OSBPL10: variants seen among roughly 807,000 people sequenced by gnomAD.
OSBPL10 encodes the protein oxysterol binding protein like 10, also known as oxysterol-binding protein-related protein 10.
A neutral mutation model predicts 81.7 loss-of-function variants in OSBPL10; 49 were observed. That is an observed-to-expected ratio of 0.60 (90% CI 0.48 to 0.76). The LOEUF is 0.76. Among genes scored for constraint, OSBPL10 ranks in the 30% least tolerant of loss-of-function variants. The pLI is 0.00. For missense variants in OSBPL10, 923 were observed against 987.8 expected (o/e 0.93, Z 0.88); for synonymous variants, 419 against 383.6 (o/e 1.09, Z -1.08).
At chr3:31,954,573 C>A (rs557884010) in intron 1 of OSBPL10, among the ~76,000 whole-genome samples, 23 of 152,174 alleles carry the variant, frequency 1.5e-4, no homozygotes, top group African/African-American at 5.1e-4. Flanking sequence ...TAGGCAAAAA[C>A]CAATCTATAT....
chr3:31,719,125 A>G (rs540266439), intron 6 of OSBPL10, among the ~76,000 whole-genome samples: 16 of 152,350 alleles, frequency 1.1e-4, no homozygotes, highest in Non-Finnish European at 1.9e-4. Flanking sequence ...ACAGCAACAC[A>G]TAAAATCCGG....
At chr3:31,888,766 T>TA (rs1433274745) in intron 1 of OSBPL10, among the ~76,000 whole-genome samples, 6 of 151,320 alleles carry the variant, frequency 4.0e-5, no homozygotes, top group Admixed American at 1.3e-4. Context: ...ACTAAAAATA[T>TA]AAAAAAAATT....
chr3:31,865,313 G>A (rs1184136406), intron 3 of OSBPL10, among the ~76,000 whole-genome samples: 1 of 152,194 alleles, frequency 6.6e-6, no homozygotes, highest in Non-Finnish European at 1.5e-5. Flanking sequence ...CTGAGCACTT[G>A]AAATGTGTGC....
chr3:31,920,654 T>A (rs1008420731), intron 1 of OSBPL10, among the ~76,000 whole-genome samples: 2 of 152,202 alleles, frequency 1.3e-5, no homozygotes, highest in Non-Finnish European at 2.9e-5. Flanking sequence ...AAATCTCATG[T>A]TGGAATGTGA....
chr3:31,925,112 C>A (rs551176830), intron 1 of OSBPL10, among the ~76,000 whole-genome samples: 3 of 152,160 alleles, frequency 2.0e-5, no homozygotes, highest in Admixed American at 2.0e-4. Context: ...TCCTGGGGAC[C>A]TATTTCCTCT....
At chr3:31,958,433 A>G (rs2125458010) in intron 1 of OSBPL10, among the ~76,000 whole-genome samples, 1 of 152,330 alleles carries the variant, frequency 6.6e-6, no homozygotes, top group East Asian at 1.9e-4. Context: ...ATGGTGTGTT[A>G]TGCTTTTTAA....
At chr3:31,775,507 AG>A (rs35256001) in intron 4 of OSBPL10, among the ~76,000 whole-genome samples, 85,688 of 151,908 alleles carry the variant, frequency 0.56, 26,935 homozygotes, top group East Asian at 0.79. Flanking sequence ...TGAAATTTTT[AG>A]TAATGTTAAA....
intron 5 of OSBPL10, among the ~76,000 whole-genome samples, chr3:31,741,601 ACT>A (rs544760020): frequency 8.1e-4 from 123 of 152,060 alleles, no homozygotes; most frequent in African/African-American, 2.9e-3. Context: ...GCACTCAAAA[ACT>A]CTGTTTAGAC....
chr3:31,763,033 C>T (rs1017618380), intron 4 of OSBPL10, among the ~76,000 whole-genome samples: 8 of 152,146 alleles, frequency 5.3e-5, no homozygotes, highest in South Asian at 2.1e-4. Context: ...CCTATCCACC[C>T]GCCAATTCAT....
intron 4 of OSBPL10, among the ~76,000 whole-genome samples, chr3:31,759,298 C>T (rs2125717286): frequency 6.6e-6 from 1 of 152,248 alleles, no homozygotes; most frequent in African/African-American, 2.4e-5. Context: ...CAGACACAGA[C>T]CTGAACGGGA....
chr3:31,930,154 CA>C (rs35565064), intron 1 of OSBPL10, among the ~76,000 whole-genome samples: 43 of 144,622 alleles, frequency 3.0e-4, no homozygotes, highest in African/African-American at 8.1e-4. Flanking sequence ...CCTCAGATCT[CA>C]AAAAAAAAAA....
intron 7 of OSBPL10, among the ~76,000 whole-genome samples, chr3:31,688,266 A>C (rs1559416534): frequency 3.1e-5 from 4 of 130,722 alleles, no homozygotes; most frequent in Admixed American, 1.6e-4. Flanking sequence ...CCCTGCACAA[A>C]TCTCTCTCTC....
At chr3:31,999,727 G>T (rs936947415) in intron 2 of OSBPL10, among the ~76,000 whole-genome samples, 1 of 152,098 alleles carries the variant, frequency 6.6e-6, no homozygotes, top group African/African-American at 2.4e-5. Flanking sequence ...AAATATGGCT[G>T]CCTCTGCTAT....
intron 2 of OSBPL10, among the ~76,000 whole-genome samples, chr3:31,999,175 G>C (rs1417828182): frequency 1.3e-5 from 2 of 152,138 alleles, no homozygotes; most frequent in Non-Finnish European, 2.9e-5. Flanking sequence ...GACTGCACAA[G>C]AGCTGCAGTG....
At chr3:32,038,122 C>T (rs1284692781) in intron 2 of OSBPL10, among the ~76,000 whole-genome samples, 3 of 152,098 alleles carry the variant, frequency 2.0e-5, no homozygotes, top group Non-Finnish European at 4.4e-5. Flanking sequence ...GAGGAAGCTA[C>T]ATGAGTCCAG....
intron 1 of OSBPL10, among the ~76,000 whole-genome samples, chr3:31,933,261 G>A (rs11920907): frequency 0.15 from 22,541 of 152,114 alleles, 1,981 homozygotes; most frequent in South Asian, 0.26. Flanking sequence ...CAGTAATGAG[G>A]CCTTCGGTAA....
chr3:31,741,402 C>T (rs984806484), intron 5 of OSBPL10, among the ~76,000 whole-genome samples: 4 of 152,194 alleles, frequency 2.6e-5, no homozygotes, highest in East Asian at 1.9e-4. Context: ...GTAGCTGGGA[C>T]TACAGGCGCA....
intron 1 of OSBPL10, among the ~76,000 whole-genome samples, chr3:31,885,357 ACATT>A (rs1695703740): frequency 6.6e-6 from 1 of 152,028 alleles, no homozygotes; most frequent in Non-Finnish European, 1.5e-5. Flanking sequence ...ACACACTCAC[ACATT>A]CATAACCACC....
intron 1 of OSBPL10, among the ~76,000 whole-genome samples, chr3:31,894,297 AAGG>A (rs1230642091): frequency 6.6e-6 from 1 of 152,216 alleles, no homozygotes; most frequent in African/African-American, 2.4e-5. Context: ...AAAGAGGAAC[AAGG>A]AGGACAAGGG....
Sources: allele counts gnomAD v4.1 joint callset (sites outside exome capture counted in the v4.1 genomes callset), GRCh38; gene constraint gnomAD v4.1.1; transcripts MANE v1.5; gene names NCBI Gene and HGNC (gene_info 2026-07-23, HGNC 2026-07-21).